AP3B1: variants seen among roughly 807,000 people sequenced by gnomAD.
AP3B1 encodes the protein AP-3 complex subunit beta-1.
In AP3B1, 61 loss-of-function variants were observed where a neutral mutation model predicts 132.5. The observed-to-expected ratio is 0.46, with a 90% CI of 0.37 to 0.57. The LOEUF (loss-of-function observed/expected upper bound fraction) is 0.57, where lower values mean the gene tolerates loss of function less well. Ranked by LOEUF, AP3B1 falls within the 20% of genes least tolerant of loss-of-function variation. AP3B1 has a pLI of 0.00. For synonymous variants in AP3B1, 388 were observed against 438.3 expected (o/e 0.89, Z 1.43); for missense variants, 1,120 against 1,289.4 (o/e 0.87, Z 2.01).
At chr5:78,277,735 A>C (rs1408395667) in intron 1 of AP3B1, among the ~76,000 whole-genome samples, 1 of 152,230 alleles carries the variant, frequency 6.6e-6, no homozygotes, top group Non-Finnish European at 1.5e-5. Context: ...CATTAGTTGA[A>C]AAAACAAATG....
chr5:78,000,913 A>G (rs1290424788), downstream of AP3B1: 8 of 152,248 alleles, frequency 5.3e-5, no homozygotes, highest in African/African-American at 1.9e-4. Context: ...CGTGAAAAAC[A>G]TTTTAATGAT....
intron 15 of AP3B1, 43 bp downstream of exon 15, chr5:78,141,100 G>A (rs769217143): frequency 6.3e-7 from 1 of 1,576,602 alleles, no homozygotes; most frequent in Admixed American, 1.7e-5. Flanking sequence ...AGAGTGAAGA[G>A]GAAAGTACGT....
intron 14 of AP3B1, among the ~76,000 whole-genome samples, chr5:78,146,258 G>A (rs773475415): frequency 2.0e-5 from 3 of 152,150 alleles, no homozygotes; most frequent in Admixed American, 6.6e-5. Context: ...TGACTTTGAA[G>A]TTATGTCTGC....
At chr5:78,027,878 C>T (rs538910415) in intron 24 of AP3B1, among the ~76,000 whole-genome samples, 12 of 152,258 alleles carry the variant, frequency 7.9e-5, no homozygotes, top group African/African-American at 2.9e-4. Context: ...GTAATCCCAG[C>T]ACTTTGGGAG....
intron 6 of AP3B1, chr5:78,222,150 A>C (rs1409529241): frequency 6.6e-6 from 1 of 152,232 alleles, no homozygotes; most frequent in Non-Finnish European, 1.5e-5. Context: ...AGAGAGATTT[A>C]GGCTGCTTGC....
At chr5:78,290,648 A>G in intron 1 of AP3B1, among the ~76,000 whole-genome samples, 1 of 152,182 alleles carries the variant, frequency 6.6e-6, no homozygotes, top group Non-Finnish European at 1.5e-5. Context: ...AGTTGAGAAT[A>G]TTTTAAAAAG....
intron 15 of AP3B1, among the ~76,000 whole-genome samples, chr5:78,140,857 G>A (rs1561434743): frequency 1.3e-5 from 2 of 152,098 alleles, no homozygotes; most frequent in Non-Finnish European, 2.9e-5. Flanking sequence ...AATTTTCTCT[G>A]ACCTCACATC....
chr5:78,123,480 T>A (rs1209596256), intron 17 of AP3B1, among the ~76,000 whole-genome samples: 2 of 151,426 alleles, frequency 1.3e-5, no homozygotes, highest in East Asian at 3.9e-4. Context: ...GAATCTACAA[T>A]GAACTCAAAC....
At position 78,100,961 on chromosome 5, in the gene AP3B1, A is replaced by G; in HGVS notation, c.2462T>C (p.Leu821Pro). 1 of 1,546,570 alleles carries G rather than the reference A, an allele frequency of 6.5e-7. No individual in the cohort carries two copies. The highest frequency in any genetic ancestry group is 1.1e-5 in the South Asian group (1 of 87,498). ...PLTKDVSLLD[L>P]DDFNPVSTPV... ...TAAATTACAATACTTACAATCATCCAGATCTAGAAGTGAAACATCTTTGGT... is the reference window on the plus strand; with the variant it reads ...TAAATTACAATACTTACAATCATCCGGATCTAGAAGTGAAACATCTTTGGT... Residue 821 changes from leucine (L) to proline (P), a missense_variant, in exon 21 of 27, where the codon CTG becomes CCG. Leu to Pro is a moderately conservative substitution (Grantham distance 98). Coordinates refer to ENST00000255194, the MANE Select transcript of AP3B1 (RefSeq NM_003664.5).
intron 22 of AP3B1, among the ~76,000 whole-genome samples, chr5:78,070,455 C>T (rs1224993101): frequency 1.3e-5 from 2 of 150,584 alleles, no homozygotes; most frequent in Non-Finnish European, 3.0e-5. Flanking sequence ...ACTGTAAACA[C>T]CCTAGAAGAA....
intron 2 of AP3B1, among the ~76,000 whole-genome samples, chr5:78,248,523 A>G (rs868689631): frequency 1.9e-4 from 29 of 151,750 alleles, no homozygotes; most frequent in Middle Eastern, 3.4e-3. Context: ...AAAAGAAAAG[A>G]AAAATGCAGA....
At chr5:78,033,286 A>C (rs543143858) in intron 24 of AP3B1, among the ~76,000 whole-genome samples, 72 of 152,060 alleles carry the variant, frequency 4.7e-4, no homozygotes, top group Non-Finnish European at 9.1e-4. Context: ...CAATGTTGGG[A>C]AAAGTAATCA....
chr5:78,135,113 G>C (rs918117514), intron 15 of AP3B1, among the ~76,000 whole-genome samples: 1 of 152,036 alleles, frequency 6.6e-6, no homozygotes, highest in Admixed American at 6.6e-5. Context: ...CCTGAATCAC[G>C]GGCAAGAGAG....
intron 22 of AP3B1, among the ~76,000 whole-genome samples, chr5:78,065,273 T>C (rs768921860): frequency 9.2e-5 from 14 of 152,012 alleles, no homozygotes; most frequent in Admixed American, 6.5e-5. Context: ...CAGTGGCCCC[T>C]CGGCTGGAGA....
chr5:78,093,229 G>A, intron 21 of AP3B1, among the ~76,000 whole-genome samples: 1 of 152,126 alleles, frequency 6.6e-6, no homozygotes, highest in Non-Finnish European at 1.5e-5. Context: ...GTCTTGCTCT[G>A]TCACTCAGGC....
chr5:78,162,294 T>C (rs1405575493), intron 13 of AP3B1, among the ~76,000 whole-genome samples: 2 of 152,136 alleles, frequency 1.3e-5, no homozygotes, highest in African/African-American at 4.8e-5. Context: ...TTAGATATTG[T>C]TTGGCTTAAA....
chr5:78,084,542 A>AAAAG (rs1554063944), intron 22 of AP3B1, among the ~76,000 whole-genome samples: 1 of 149,338 alleles, frequency 6.7e-6, no homozygotes, highest in African/African-American at 2.5e-5. Flanking sequence ...AAAAAAAAAA[A>AAAAG]AAAAGAAAAG....
intron 11 of AP3B1, among the ~76,000 whole-genome samples, chr5:78,173,147 T>C (rs1020835366): frequency 2.6e-5 from 4 of 152,222 alleles, no homozygotes; most frequent in African/African-American, 9.7e-5. Context: ...TCTGTTCTTT[T>C]ACATTTGCTG....
At chr5:78,230,174 G>A (rs1181873631) in intron 3 of AP3B1, among the ~76,000 whole-genome samples, 1 of 151,960 alleles carries the variant, frequency 6.6e-6, no homozygotes, top group Non-Finnish European at 1.5e-5. Context: ...CTGTCCTCAC[G>A]GAATTTTTTT....
Sources: allele counts gnomAD v4.1 joint callset (sites outside exome capture counted in the v4.1 genomes callset), GRCh38; gene constraint gnomAD v4.1.1; transcripts MANE v1.5; gene names NCBI Gene and HGNC (gene_info 2026-07-23, HGNC 2026-07-21).